Variants in USP6NL observed in about 807,000 individuals in gnomAD.
USP6NL encodes USP6 N-terminal-like protein.
In USP6NL, 26 loss-of-function variants were observed where a neutral mutation model predicts 61.9. The observed-to-expected ratio is 0.42, with a 90% CI of 0.31 to 0.58. The LOEUF is 0.58. Ranked by LOEUF, USP6NL falls within the 20% of genes least tolerant of loss-of-function variation. The pLI is 0.16. For missense variants in USP6NL, 1,114 were observed against 1,034.3 expected, an observed-to-expected ratio of 1.08 and a Z score of -1.06; for synonymous variants, 432 against 390.1, an observed-to-expected ratio of 1.11 and a Z score of -1.27.
rs1838505463 is a variant in USP6NL at position 11,600,934 on chromosome 10, C to A, written c.-83-3217G>T. ...AGTAAGCCAAGATCGCACCACTGCA[C>A]TCCAGCCTGGGCAACAGAGCAAGAC... On this transcript the variant is annotated intron_variant, in intron 1 of 14. Coordinates refer to ENST00000609104, the MANE Select transcript of USP6NL (RefSeq NM_014688.5). This position sits in a 1 kb window ranked among gnomAD's most constrained non-coding sequence, Gnocchi z 4.1. 6.6e-6 allele frequency among the ~76,000 whole-genome samples: 1 copy of A among 151,770 alleles called. No homozygotes were observed. The highest frequency in any genetic ancestry group is 1.5e-5 in the Non-Finnish European group (1 of 67,984).
In USP6NL at chr10:11,470,431, T is replaced by C. The variant is rs1832688034; in HGVS notation, c.1079-6582A>G. Among the ~76,000 whole-genome samples, 2 of 152,214 alleles carry C rather than the reference T, an allele frequency of 1.3e-5. No homozygotes were observed. Among genetic ancestry groups the C allele is most frequent in the African/African-American group, 4.8e-5 (2 of 41,460 alleles). ...CTTCATTACAGAGGCGGTTCCTTTC[T>C]AGAGATTAATTATTCAACCTCCACT... On this transcript the variant is annotated intron_variant, in intron 14 of 14. Transcript: ENST00000609104. The surrounding 1 kb of genome is among the most constrained non-coding windows in gnomAD (Gnocchi z 5.4).
rs1029655770 is a variant in USP6NL at position 11,461,664 on chromosome 10, T to C, written c.*777A>G. On this transcript the variant is annotated 3_prime_UTR_variant, in exon 15 of 15. Coordinates refer to ENST00000609104, the MANE Select transcript of USP6NL (RefSeq NM_014688.5). ...GCACTAAGACCAATCTCTTAGTATG[T>C]GGATGTGATAAGCACTGCTGCACCT... 3 of 152,318 alleles carry C rather than the reference T, an allele frequency of 2.0e-5. No homozygotes were observed. Among genetic ancestry groups the C allele is most frequent in the African/African-American group, 7.2e-5 (3 of 41,556 alleles). The allele number at this position is 152,318 out of a possible 1,614,324, so 9.4% of individuals were successfully genotyped here.
chr10:11,603,355 T>TA (rs1323460342), intron 1 of USP6NL, among the ~76,000 whole-genome samples: 3 of 152,360 alleles, frequency 2.0e-5, no homozygotes, highest in East Asian at 3.9e-4. Flanking sequence ...CAGGGCCTTT[T>TA]AAAAATGACC....
chr10:11,597,680 A>G lies in USP6NL; in HGVS notation c.-46T>C. 6.5e-7 allele frequency: 1 copy of G among 1,528,436 alleles called. No individual in the cohort carries two copies. The highest frequency in any genetic ancestry group is 2.5e-5 in the East Asian group (1 of 40,778). 94.7% of individuals were successfully genotyped at this position (1,528,436 alleles called of 1,614,324 possible). ...GTTGTCCCAATCAGATATTAAACCA[A>G]AATCTGCTGTCCAAGGTTTCTCAGA... is the stretch of plus-strand genomic sequence containing the variant. On this transcript the variant is annotated 5_prime_UTR_variant, in exon 2 of 15. Coordinates refer to ENST00000609104, the MANE Select transcript of USP6NL (RefSeq NM_014688.5). The surrounding 1 kb of genome is among the most constrained non-coding windows in gnomAD (Gnocchi z 4.6).
At chr10:11,473,171 C>T (rs1406577499) in intron 14 of USP6NL, among the ~76,000 whole-genome samples, 1 of 152,160 alleles carries the variant, frequency 6.6e-6, no homozygotes, top group East Asian at 1.9e-4. Context: ...TCAGGCTAAC[C>T]TTTTATAAAC....
At chr10:11,607,489 G>A (rs1838745955) in intron 1 of USP6NL, among the ~76,000 whole-genome samples, 1 of 152,152 alleles carries the variant, frequency 6.6e-6, no homozygotes, top group African/African-American at 2.4e-5. Flanking sequence ...TTCAAGACCA[G>A]CCTGGGCAAC....
Position 11,585,272 on chromosome 10 carries a change from T to C in USP6NL, c.4+12359A>G, listed in dbSNP as rs527359918. On this transcript the variant is annotated intron_variant, in intron 2 of 14. Transcript: ENST00000609104. The surrounding 1 kb of genome is among the most constrained non-coding windows in gnomAD (Gnocchi z 4.5). ...GCAATGTAAGCCGGTGCAACCACTA[T>C]GGAAAACAGTATGGCAGTTCCTTGC... Among the ~76,000 whole-genome samples, 1 of 152,152 alleles carries C rather than the reference T, an allele frequency of 6.6e-6. No individual in the cohort carries two copies. Among genetic ancestry groups the C allele is most frequent in the East Asian group, 1.9e-4 (1 of 5,190 alleles).
intron 4 of USP6NL, among the ~76,000 whole-genome samples, chr10:11,524,029 T>C (rs1411535741): frequency 6.6e-6 from 1 of 152,234 alleles, no homozygotes; most frequent in African/African-American, 2.4e-5. Context: ...TATGCAATCA[T>C]TTCTTGTCAC....
At chr10:11,483,516 GAGAGGAGAA>G (rs1417398160) in intron 13 of USP6NL, among the ~76,000 whole-genome samples, 1 of 92,524 alleles carries the variant, frequency 1.1e-5, no homozygotes, top group African/African-American at 4.8e-5. Context: ...GGGAGAGAGG[GAGAGGAGAA>G]GAGAGAGAGG....
At chr10:11,497,614 A>G (rs530368802) in intron 7 of USP6NL, among the ~76,000 whole-genome samples, 1 of 152,292 alleles carries the variant, frequency 6.6e-6, no homozygotes, top group Admixed American at 6.5e-5. Flanking sequence ...CTATAGTATC[A>G]GTTCCTCCAG....
intron 1 of USP6NL, among the ~76,000 whole-genome samples, chr10:11,604,246 C>A (rs1246127101): frequency 6.6e-6 from 1 of 152,192 alleles, no homozygotes; most frequent in East Asian, 1.9e-4. Context: ...TTTAAGTTCT[C>A]TTTCTAGCAC....
At chr10:11,535,022 T>A (rs556955186) in intron 2 of USP6NL, among the ~76,000 whole-genome samples, 5 of 152,230 alleles carry the variant, frequency 3.3e-5, no homozygotes, top group African/African-American at 1.2e-4. Flanking sequence ...TCTCCCATTT[T>A]ATTCAAAAAC....
chr10:11,507,412 A>G (rs1367849514), intron 6 of USP6NL, among the ~76,000 whole-genome samples: 1 of 152,206 alleles, frequency 6.6e-6, no homozygotes, highest in Non-Finnish European at 1.5e-5. Context: ...GTCCTCTTAA[A>G]AACATCCTGA....
Position 11,465,906 on chromosome 10 carries a change from G to C in USP6NL, c.1079-2057C>G, listed in dbSNP as rs1445604130. ...CCTACTTCATTATTTGTGATAATTT[G>C]CTTGTATGGTCCTAGCACATTTTCA... On this transcript the variant is annotated intron_variant, in intron 14 of 14. Coordinates refer to ENST00000609104, the MANE Select transcript of USP6NL (RefSeq NM_014688.5). The surrounding 1 kb of genome is among the most constrained non-coding windows in gnomAD (Gnocchi z 4.5). Among the ~76,000 whole-genome samples, 1 of 152,100 alleles carries C rather than the reference G, an allele frequency of 6.6e-6. No individual in the cohort carries two copies. Among genetic ancestry groups the C allele is most frequent in the African/African-American group, 2.4e-5 (1 of 41,410 alleles).
At chr10:11,593,865 C>T (rs867033155) in intron 2 of USP6NL, among the ~76,000 whole-genome samples, 3 of 152,270 alleles carry the variant, frequency 2.0e-5, no homozygotes, top group African/African-American at 4.8e-5. Context: ...GTTTATCCCA[C>T]GTGATGTACA....
chr10:11,577,140 C>A (rs1193703918), intron 2 of USP6NL, among the ~76,000 whole-genome samples: 1 of 151,158 alleles, frequency 6.6e-6, no homozygotes, highest in African/African-American at 2.4e-5. Flanking sequence ...TCACTGCAAG[C>A]TCCGTCTCCT....
intron 2 of USP6NL, among the ~76,000 whole-genome samples, chr10:11,590,166 C>G (rs558409737): frequency 1.3e-5 from 2 of 152,268 alleles, no homozygotes; most frequent in Admixed American, 6.5e-5. Context: ...CTATGTCCGA[C>G]CTTTCTAACC....
chr10:11,555,429 A>AAAAAAAAAAAAAAAAG (rs1836657302), intron 2 of USP6NL, among the ~76,000 whole-genome samples: 1 of 83,082 alleles, frequency 1.2e-5, no homozygotes, highest in East Asian at 6.5e-4. Flanking sequence ...AAAAAAAAAA[A>AAAAAAAAAAAAAAAAG]AAAAATATAT....
intron 2 of USP6NL, among the ~76,000 whole-genome samples, chr10:11,558,278 T>C (rs1836793624): frequency 6.6e-6 from 1 of 152,176 alleles, no homozygotes; most frequent in Non-Finnish European, 1.5e-5. Context: ...ATCTCCAAAA[T>C]GCCCATGACA....
Sources: allele counts gnomAD v4.1 joint callset (sites outside exome capture counted in the v4.1 genomes callset), GRCh38; gene constraint gnomAD v4.1.1; non-coding constraint Gnocchi (gnomAD v3.1); transcripts MANE v1.5; gene names NCBI Gene and HGNC (gene_info 2026-07-23, HGNC 2026-07-21).